ANKS1B: variants seen among roughly 807,000 people sequenced by gnomAD.
ANKS1B encodes the protein ankyrin repeat and sterile alpha motif domain-containing protein 1B.
Under a neutral mutation model 148.3 loss-of-function variants are expected in ANKS1B, and 36 were observed. That is an observed-to-expected ratio of 0.24 (90% CI 0.19 to 0.32). The LOEUF is 0.32. Among genes scored for constraint, ANKS1B ranks in the 10% least tolerant of loss-of-function variants. ANKS1B has a pLI of 1.00. For missense variants in ANKS1B, 1,157 were observed against 1,542.6 expected, an observed-to-expected ratio of 0.75 and a Z score of 4.19; for synonymous variants, 542 against 560.8, an observed-to-expected ratio of 0.97 and a Z score of 0.47.
chr12:99,412,664 T>G (rs1162027156), intron 11 of ANKS1B, among the ~76,000 whole-genome samples: 1 of 152,190 alleles, frequency 6.6e-6, no homozygotes, highest in Non-Finnish European at 1.5e-5. Context: ...TGCTATGAAT[T>G]TATTGTTAAT....
Position 99,105,784 on chromosome 12 carries a change from A to G in ANKS1B, c.2527-20761T>C, listed in dbSNP as rs866370998. 3.2e-3 allele frequency among the ~76,000 whole-genome samples: 491 copies of G among 151,884 alleles called. 7 individuals carry two copies. The highest frequency in any genetic ancestry group is 0.011 in the African/African-American group (459 of 41,444). ...ACTCTGTCTCAAAAAAAAAAAAAAA[A>G]AAAAACTAAAACTAAAACAAAATTT... On this transcript the variant is annotated intron_variant, in intron 15 of 26. Transcript: ENST00000683438.
intron 11 of ANKS1B, among the ~76,000 whole-genome samples, chr12:99,416,552 G>C (rs1273998251): frequency 6.6e-6 from 1 of 152,174 alleles, no homozygotes; most frequent in African/African-American, 2.4e-5. Context: ...TAGGTGTGTA[G>C]TGATATCTCA....
At chr12:99,461,925 C>G (rs1441799837) in intron 10 of ANKS1B, among the ~76,000 whole-genome samples, 6 of 152,182 alleles carry the variant, frequency 3.9e-5, no homozygotes, top group Non-Finnish European at 5.9e-5. Flanking sequence ...CTCTTCCACA[C>G]TACATCTATT....
chr12:99,106,866 T>C (rs559559892), intron 15 of ANKS1B, among the ~76,000 whole-genome samples: 34 of 152,300 alleles, frequency 2.2e-4, no homozygotes, highest in Admixed American at 3.3e-4. Flanking sequence ...TGTAGATCAT[T>C]TTTTTCCATT....
At chr12:99,630,894 T>C (rs2098152707) in intron 9 of ANKS1B, among the ~76,000 whole-genome samples, 4 of 152,302 alleles carry the variant, frequency 2.6e-5, no homozygotes, top group Non-Finnish European at 4.4e-5. Context: ...GTTCCTACAA[T>C]TCCCATGTGT....
chr12:99,671,568 G>A lies in ANKS1B; in HGVS notation c.1129-16358C>T, dbSNP rs552764548. On this transcript the variant is annotated intron_variant, in intron 8 of 26. Transcript: ENST00000683438. ...TTTTAAGCCATTTTCTGGGAAAGCAGTTGTTCAGTTACATGAAAGTAAAAT... is the reference window on the plus strand; with the variant it reads ...TTTTAAGCCATTTTCTGGGAAAGCAATTGTTCAGTTACATGAAAGTAAAAT... Among the ~76,000 whole-genome samples the A allele has an allele frequency of 2.3e-4, 35 of 152,160 alleles. No homozygotes were observed. The South Asian group carries it at 7.3e-3, about 32-fold the overall frequency.
chr12:99,154,846 C>A, intron 14 of ANKS1B: 1 of 1,529,316 alleles, frequency 6.5e-7, no homozygotes, highest in Non-Finnish European at 8.7e-7. Context: ...TGCTCCCCCT[C>A]GCTCGCTCCC....
chr12:99,302,429 A>G (rs1333843026), intron 12 of ANKS1B, among the ~76,000 whole-genome samples: 3 of 152,140 alleles, frequency 2.0e-5, no homozygotes, highest in Admixed American at 2.0e-4. Flanking sequence ...TTTAGCTACT[A>G]ATGTCAAGAG....
chr12:99,377,140 T>C (rs1014022179), intron 12 of ANKS1B, among the ~76,000 whole-genome samples: 1 of 152,060 alleles, frequency 6.6e-6, no homozygotes, highest in African/African-American at 2.4e-5. Context: ...CCCAAGTAGC[T>C]GGGACTACAG....
intron 10 of ANKS1B, among the ~76,000 whole-genome samples, chr12:99,453,198 G>A (rs181176114): frequency 1.3e-5 from 2 of 152,214 alleles, no homozygotes; most frequent in East Asian, 1.9e-4. Flanking sequence ...GCTGAGCCAG[G>A]AGAATGGTGT....
intron 12 of ANKS1B, among the ~76,000 whole-genome samples, chr12:99,279,255 A>G (rs2078073815): frequency 1.3e-5 from 2 of 152,208 alleles, no homozygotes; most frequent in Admixed American, 1.3e-4. Context: ...GCTTTCACCA[A>G]TAAGAAAAAT....
At chr12:99,743,138 A>G (rs1299331681) in intron 8 of ANKS1B, among the ~76,000 whole-genome samples, 1 of 152,174 alleles carries the variant, frequency 6.6e-6, no homozygotes, top group Non-Finnish European at 1.5e-5. Flanking sequence ...AACCTATTAT[A>G]TGCATATACT....
chr12:99,362,624 C>T (rs760867263), intron 12 of ANKS1B, among the ~76,000 whole-genome samples: 19 of 152,038 alleles, frequency 1.2e-4, no homozygotes, highest in African/African-American at 2.6e-4. Flanking sequence ...TTTTTTATTA[C>T]GGTATCTTAA....
chr12:98,849,243 T>TA (rs1555405914), intron 17 of ANKS1B, among the ~76,000 whole-genome samples: 4 of 151,978 alleles, frequency 2.6e-5, no homozygotes, highest in East Asian at 3.9e-4. Flanking sequence ...TTTTTTTTTT[T>TA]ATTTAGATTT....
chr12:99,423,354 G>T (rs543334047), intron 11 of ANKS1B, among the ~76,000 whole-genome samples: 2 of 152,220 alleles, frequency 1.3e-5, no homozygotes, highest in Admixed American at 6.5e-5. Context: ...GCGAGGTTGT[G>T]GAGAAAAAGG....
rs140511038 is a variant in ANKS1B, at chr12:99,797,177, TTTTCATCAGAGATTAGAAA to T, written c.669+9208_669+9226del. Among the ~76,000 whole-genome samples the T allele has an allele frequency of 1.8e-3, 269 of 152,052 alleles. 1 individual carries two copies. The highest frequency in any genetic ancestry group is 5.9e-3 in the African/African-American group (246 of 41,526). ...GATTAATTTTGTAATAATTTCCTTC[TTTTCATCAGAGATTAGAAA>T]AATTTAAGAATATTTTGCCAAGGTG... On this transcript the variant is annotated intron_variant, in intron 4 of 26. Transcript: ENST00000683438.
At chr12:99,347,516 A>T (rs566944328) in intron 12 of ANKS1B, among the ~76,000 whole-genome samples, 1 of 152,198 alleles carries the variant, frequency 6.6e-6, no homozygotes, top group East Asian at 1.9e-4. Context: ...CTGCCCCAAC[A>T]TACACACAGA....
intron 8 of ANKS1B, among the ~76,000 whole-genome samples, chr12:99,761,667 T>C (rs921870895): frequency 6.6e-6 from 1 of 152,134 alleles, no homozygotes; most frequent in African/African-American, 2.4e-5. Flanking sequence ...TCACCACTCA[T>C]ATATAACATA....
intron 15 of ANKS1B, among the ~76,000 whole-genome samples, chr12:99,146,024 T>C (rs904328756): frequency 2.6e-5 from 4 of 152,124 alleles, no homozygotes; most frequent in African/African-American, 9.7e-5. Flanking sequence ...TGGAACTATA[T>C]AGAATTATAT....
Sources: gnomAD v4.1 joint callset for allele counts (sites outside exome capture counted in the v4.1 genomes callset) on GRCh38, gnomAD v4.1.1 for gene constraint, MANE v1.5 for transcripts, NCBI Gene and HGNC (gene_info 2026-07-23, HGNC 2026-07-21) for gene names.